RXFP2: variants seen among roughly 807,000 people sequenced by gnomAD.
The protein encoded by RXFP2 is relaxin receptor 2.
A neutral mutation model predicts 88.6 loss-of-function variants in RXFP2; 68 were observed. The observed-to-expected ratio is 0.77, with a 90% CI of 0.63 to 0.94. The LOEUF is 0.94. RXFP2 is among the 40% of genes least tolerant of loss of function. RXFP2 has a pLI of 0.00. For missense variants in RXFP2, 791 were observed against 893.9 expected (o/e 0.88, Z 1.47); for synonymous variants, 329 against 306.8 (o/e 1.07, Z -0.76).
chr13:31,757,775 G>T (rs919598898), intron 1 of RXFP2, among the ~76,000 whole-genome samples: 1 of 152,114 alleles, frequency 6.6e-6, no homozygotes, highest in Non-Finnish European at 1.5e-5. Context: ...TATAGCTGAT[G>T]TTGGGTGTGA....
At chr13:31,761,336 C>G (rs982486416) in intron 2 of RXFP2, among the ~76,000 whole-genome samples, 2 of 152,132 alleles carry the variant, frequency 1.3e-5, no homozygotes, top group Admixed American at 1.3e-4. Context: ...ATATATCTAT[C>G]AAGTATGTTT....
intron 5 of RXFP2, among the ~76,000 whole-genome samples, chr13:31,771,953 A>AC (rs1480431249): frequency 6.6e-6 from 1 of 151,590 alleles, no homozygotes; most frequent in African/African-American, 2.4e-5. Flanking sequence ...GGCATCCAAA[A>AC]AAAAACAAAA....
At chr13:31,770,912 T>A (rs1872713162) in intron 5 of RXFP2, among the ~76,000 whole-genome samples, 1 of 152,128 alleles carries the variant, frequency 6.6e-6, no homozygotes, top group African/African-American at 2.4e-5. Flanking sequence ...GAACGATGGG[T>A]AGCACTAACA....
At chr13:31,758,454 C>A in intron 2 of RXFP2, 50 bp downstream of exon 2, 1 of 1,595,010 alleles carries the variant, frequency 6.3e-7, no homozygotes, top group East Asian at 2.2e-5. Flanking sequence ...ATGAACACCC[C>A]AAAACTGTGG....
At chr13:31,772,202 C>G (rs1872759975) in intron 5 of RXFP2, among the ~76,000 whole-genome samples, 1 of 152,180 alleles carries the variant, frequency 6.6e-6, no homozygotes, top group South Asian at 2.1e-4. Flanking sequence ...CAGTTCTCCT[C>G]CTTATTGTAA....
At chr13:31,769,849 G>A (rs947160278) in intron 5 of RXFP2, among the ~76,000 whole-genome samples, 10 of 152,104 alleles carry the variant, frequency 6.6e-5, no homozygotes, top group Non-Finnish European at 8.8e-5. Context: ...TTTTCTTACC[G>A]GAGTGTGAAG....
Position 31,793,007 on chromosome 13 carries a change from A to T in RXFP2, c.1705A>T (p.Lys569Ter). The change falls in exon 16 of 18, where the codon AAA becomes TAA. Residue 569 changes from lysine to a stop codon, truncating the protein, a stop_gained. Transcript: ENST00000298386. LOFTEE classifies it high-confidence loss of function. ...GGATTATTTTGGAAACTTTTATGGGAAAAATGGAGTATGTTTCCCACTTTA... is the reference window on the plus strand; with the variant it reads ...GGATTATTTTGGAAACTTTTATGGGTAAAATGGAGTATGTTTCCCACTTTA... ...NKDYFGNFYG[K>*]NGVCFPLYYD... The T allele has an allele frequency of 6.2e-7, 1 of 1,613,522 alleles. No homozygotes were observed. Among genetic ancestry groups the T allele is most frequent in the South Asian group, 1.1e-5 (1 of 91,070 alleles).
At chr13:31,790,397 C>A (rs1385991018) in intron 14 of RXFP2, among the ~76,000 whole-genome samples, 1 of 152,168 alleles carries the variant, frequency 6.6e-6, no homozygotes, top group Non-Finnish European at 1.5e-5. Context: ...GAAAAGAGTT[C>A]ATTATAGTTC....
chr13:31,802,223 A>G lies in RXFP2; in HGVS notation c.2083A>G (p.Thr695Ala), dbSNP rs1378747968. ...GAATCCAATCCTCTATACTCTCACAACCAACTTTTTTAAGGACAAGTTGAA... is the reference window on the plus strand; with the variant it reads ...GAATCCAATCCTCTATACTCTCACAGCCAACTTTTTTAAGGACAAGTTGAA... ...ALNPILYTLT[T>A]NFFKDKLKQL... The change falls in exon 18 of 18, where the codon ACC (threonine) becomes GCC (alanine). Residue 695 changes from threonine (T) to alanine (A), a missense_variant. Thr to Ala is a moderately conservative substitution (Grantham distance 58). Coordinates refer to ENST00000298386, the MANE Select transcript of RXFP2 (RefSeq NM_130806.5). 6.2e-7 allele frequency: 1 copy of G among 1,613,866 alleles called. No homozygotes were observed. The highest frequency in any genetic ancestry group is 1.3e-5 in the African/African-American group (1 of 74,876).
At chr13:31,799,790 C>G (rs941941712) in intron 17 of RXFP2, among the ~76,000 whole-genome samples, 1 of 152,158 alleles carries the variant, frequency 6.6e-6, no homozygotes, top group African/African-American at 2.4e-5. Flanking sequence ...ACGTCCAGTT[C>G]TGGAGGCTGG....
intron 5 of RXFP2, among the ~76,000 whole-genome samples, chr13:31,766,868 A>G (rs569004082): frequency 1.3e-5 from 2 of 152,254 alleles, no homozygotes; most frequent in Admixed American, 6.5e-5. Flanking sequence ...GTCATTTGTA[A>G]GTTGGATCAA....
At chr13:31,799,315 G>T (rs1013565965) in intron 17 of RXFP2, among the ~76,000 whole-genome samples, 1 of 151,980 alleles carries the variant, frequency 6.6e-6, no homozygotes, top group Non-Finnish European at 1.5e-5. Context: ...TGGTTCAAGC[G>T]ATTCTCATGC....
intron 1 of RXFP2, among the ~76,000 whole-genome samples, chr13:31,742,361 C>T (rs1291453526): frequency 6.6e-6 from 1 of 152,190 alleles, no homozygotes; most frequent in African/African-American, 2.4e-5. Context: ...TTCACTTGGC[C>T]ACTCTGACTT....
At chr13:31,781,808 C>G (rs1873296391) in intron 10 of RXFP2, 66 bp downstream of exon 10, 1 of 1,338,786 alleles carries the variant, frequency 7.5e-7, no homozygotes, top group African/African-American at 1.5e-5. Context: ...AAAAAGAAAA[C>G]ATTGACAAAA....
chr13:31,765,316 C>A (rs888333986), intron 4 of RXFP2, among the ~76,000 whole-genome samples, 174 bp downstream of exon 4: 17 of 152,170 alleles, frequency 1.1e-4, no homozygotes, highest in African/African-American at 4.1e-4. Flanking sequence ...GGTTTACACA[C>A]TGTATGTTAG....
chr13:31,753,483 T>G (rs1041505131), intron 1 of RXFP2, among the ~76,000 whole-genome samples: 1 of 152,202 alleles, frequency 6.6e-6, no homozygotes, highest in Non-Finnish European at 1.5e-5. Flanking sequence ...TGGAAACCAC[T>G]GCAGAAGCCA....
At chr13:31,755,408 CGTGGGTGTGTGCTAGTGTGT>C (rs1455792147) in intron 1 of RXFP2, among the ~76,000 whole-genome samples, 2 of 151,348 alleles carry the variant, frequency 1.3e-5, no homozygotes, top group African/African-American at 2.4e-5. Flanking sequence ...CATGAGTGTG[CGTGGGTGTGTGCTAGTGTGT>C]GTGGGTGTGA....
intron 9 of RXFP2, among the ~76,000 whole-genome samples, 158 bp from the exon 10 acceptor site, chr13:31,781,513 G>A (rs1049449933): frequency 2.0e-5 from 3 of 151,778 alleles, no homozygotes; most frequent in African/African-American, 7.3e-5. Flanking sequence ...GGGGAAAGAA[G>A]CATAATATTA....
intron 11 of RXFP2, among the ~76,000 whole-genome samples, chr13:31,785,537 G>A (rs1387403519): frequency 6.6e-6 from 1 of 151,150 alleles, no homozygotes; most frequent in East Asian, 1.9e-4. Context: ...AATAGCACCT[G>A]TTTGATTGTT....
Sources: allele counts gnomAD v4.1 joint callset (sites outside exome capture counted in the v4.1 genomes callset), GRCh38; gene constraint gnomAD v4.1.1; transcripts MANE v1.5; gene names NCBI Gene and HGNC (gene_info 2026-07-23, HGNC 2026-07-21).